NIPBL: variants seen among roughly 807,000 people sequenced by gnomAD.
NIPBL encodes nipped-B-like protein.
NIPBL carries 19 observed loss-of-function variants against 321.8 expected under a neutral mutation model. The ratio of observed to expected loss-of-function variants is 0.06; its 90% confidence interval spans 0.04 to 0.09. The LOEUF is 0.09. Among genes scored for constraint, NIPBL ranks in the 10% least tolerant of loss-of-function variants. The pLI, the probability that NIPBL is intolerant of heterozygous loss-of-function variation, is 1.00. For missense variants in NIPBL, 2,210 were observed against 3,327.0 expected, an observed-to-expected ratio of 0.66 and a Z score of 8.26; for synonymous variants, 1,106 against 1,114.1, an observed-to-expected ratio of 0.99 and a Z score of 0.14.
chr5:37,025,030 G>A (rs1750099394), intron 30 of NIPBL, among the ~76,000 whole-genome samples: 1 of 152,178 alleles, frequency 6.6e-6, no homozygotes, highest in Non-Finnish European at 1.5e-5. Context: ...CCAGGAGTTG[G>A]AGATCAGCCT....
Position 36,995,784 on chromosome 5 carries a change from A to G in NIPBL, c.3284A>G (p.Asp1095Gly). 1.2e-6 allele frequency: 2 copies of G among 1,613,406 alleles called. No homozygotes were observed. Among genetic ancestry groups the G allele is most frequent in the Middle Eastern group, 3.3e-4 (2 of 6,060 alleles). The change falls in exon 11 of 47, where the codon GAT becomes GGT. Residue 1095 changes from aspartate to glycine, a missense_variant. By Grantham distance (94) the Asp-to-Gly change is moderately conservative. This residue lies in a region of NIPBL where 381 missense variants were observed against 642.3 expected (regional missense o/e 0.59). Transcript: ENST00000282516. ...YAEISSDEDN[D>G]SDEAFESSRK... Reference sequence around the variant, plus strand: ...GAAATCAGTTCAGATGAAGATAATGATAGTGATGAAGCTTTTGAATGTAAG... The same window carrying G: ...GAAATCAGTTCAGATGAAGATAATGGTAGTGATGAAGCTTTTGAATGTAAG...
chr5:37,013,541 G>A (rs1186129180), intron 21 of NIPBL, among the ~76,000 whole-genome samples: 8 of 151,954 alleles, frequency 5.3e-5, no homozygotes, highest in East Asian at 2.0e-4. Flanking sequence ...CGGGGCGGTC[G>A]GGCAGAGACG....
intron 3 of NIPBL, among the ~76,000 whole-genome samples, chr5:36,957,383 C>T (rs760498768): frequency 9.2e-5 from 14 of 152,078 alleles, no homozygotes; most frequent in Admixed American, 6.5e-5. Context: ...TAAGACATTC[C>T]CAGAAAGTCA....
chr5:36,965,208 C>T (rs1742068665), intron 6 of NIPBL, among the ~76,000 whole-genome samples: 1 of 151,934 alleles, frequency 6.6e-6, no homozygotes, highest in Non-Finnish European at 1.5e-5. Context: ...AATCAGTATA[C>T]TGAAGAGATG....
chr5:37,000,026 T>C (rs962624567), intron 11 of NIPBL, among the ~76,000 whole-genome samples: 1 of 152,202 alleles, frequency 6.6e-6, no homozygotes, highest in African/African-American at 2.4e-5. Flanking sequence ...ATATAGTTTG[T>C]TTTACAGCCT....
At chr5:36,924,777 G>T (rs1749223201) in intron 1 of NIPBL, among the ~76,000 whole-genome samples, 1 of 152,110 alleles carries the variant, frequency 6.6e-6, no homozygotes. Flanking sequence ...TTTTTCCTCA[G>T]ACTCTCATCT....
chr5:36,923,656 C>T (rs778982409), intron 1 of NIPBL, among the ~76,000 whole-genome samples: 9 of 152,102 alleles, frequency 5.9e-5, no homozygotes, highest in Non-Finnish European at 1.3e-4. Flanking sequence ...TCTTTTTCTG[C>T]AGTCACAGAA....
chr5:36,951,571 C>A (rs1740294647), intron 1 of NIPBL, among the ~76,000 whole-genome samples: 1 of 152,018 alleles, frequency 6.6e-6, no homozygotes, highest in Non-Finnish European at 1.5e-5. Context: ...GTTTTGGTGA[C>A]CTTTATCAGA....
intron 39 of NIPBL, 122 bp from the exon 40 acceptor site, chr5:37,048,989 C>T: frequency 1.0e-6 from 1 of 956,798 alleles, no homozygotes. Flanking sequence ...AGATTAAGAA[C>T]CATTGAGCCA....
intron 7 of NIPBL, among the ~76,000 whole-genome samples, chr5:36,971,281 T>C (rs985659639): frequency 1.4e-5 from 2 of 143,284 alleles, no homozygotes; most frequent in African/African-American, 5.3e-5. Context: ...AAAAAAAAAA[T>C]GTGATAGAGA....
chr5:37,015,597 G>T (rs1248431924), intron 22 of NIPBL, among the ~76,000 whole-genome samples: 1 of 151,584 alleles, frequency 6.6e-6, no homozygotes, highest in African/African-American at 2.4e-5. Flanking sequence ...AGGCATGGTG[G>T]TGCACGCCTG....
At chr5:37,003,804 A>G (rs1747102520) in intron 16 of NIPBL, among the ~76,000 whole-genome samples, 1 of 152,216 alleles carries the variant, frequency 6.6e-6, no homozygotes, top group Non-Finnish European at 1.5e-5. Context: ...TTCAGAATTA[A>G]TGTTACACAT....
chr5:37,047,314 T>G (rs1289171645), intron 38 of NIPBL, among the ~76,000 whole-genome samples: 1 of 152,246 alleles, frequency 6.6e-6, no homozygotes, highest in Non-Finnish European at 1.5e-5. Context: ...GTTTATACTT[T>G]AATCTGCATG....
At chr5:37,014,540 G>T in intron 21 of NIPBL, 143 bp from the exon 22 acceptor site, 14 of 541,046 alleles carry the variant, frequency 2.6e-5, no homozygotes, top group South Asian at 8.7e-5. Flanking sequence ...GCTAATTTTG[G>T]CTTCTCTTAT....
At chr5:36,978,817 T>A (rs958741969) in intron 9 of NIPBL, among the ~76,000 whole-genome samples, 2 of 152,076 alleles carry the variant, frequency 1.3e-5, no homozygotes, top group African/African-American at 2.4e-5. Flanking sequence ...GCTAGCCAGT[T>A]TTCCCAGCAC....
At chr5:36,941,824 A>C (rs1311748832) in intron 1 of NIPBL, among the ~76,000 whole-genome samples, 2 of 152,172 alleles carry the variant, frequency 1.3e-5, no homozygotes, top group Non-Finnish European at 2.9e-5. Flanking sequence ...TAAATTTTTA[A>C]AAGTTTATGT....
At chr5:36,974,425 A>C (rs551271941) in intron 8 of NIPBL, among the ~76,000 whole-genome samples, 1 of 152,312 alleles carries the variant, frequency 6.6e-6, no homozygotes, top group Admixed American at 6.5e-5. Context: ...TTAAATACAA[A>C]GGCATAATGG....
intron 42 of NIPBL, among the ~76,000 whole-genome samples, chr5:37,054,031 A>G (rs778639765): frequency 6.6e-6 from 1 of 152,020 alleles, no homozygotes; most frequent in Non-Finnish European, 1.5e-5. Flanking sequence ...CCCCATCTCT[A>G]CTAAAAATAT....
intron 45 of NIPBL, among the ~76,000 whole-genome samples, chr5:37,061,882 C>A (rs1460397680): frequency 6.6e-6 from 1 of 152,072 alleles, no homozygotes; most frequent in East Asian, 1.9e-4. Context: ...ACTCTTGTTG[C>A]CCAGGCTGGA....
Sources: allele counts gnomAD v4.1 joint callset (sites outside exome capture counted in the v4.1 genomes callset), GRCh38; gene constraint gnomAD v4.1.1; regional missense constraint gnomAD v4.1.1; transcripts MANE v1.5; gene names NCBI Gene and HGNC (gene_info 2026-07-23, HGNC 2026-07-21).